The following L3MBTL4 variants were observed in gnomAD, a reference collection of about 807,000 sequenced individuals.
The protein encoded by L3MBTL4 is L3MBTL histone methyl-lysine binding protein 4, also known as lethal(3)malignant brain tumor-like protein 4.
L3MBTL4 carries 70 observed loss-of-function variants against 84.5 expected under a neutral mutation model. That is an observed-to-expected ratio of 0.83 (90% CI 0.68 to 1.01). L3MBTL4 has a LOEUF of 1.01. Among genes scored for constraint, L3MBTL4 ranks in the 50% least tolerant of loss-of-function variants. The pLI is 0.00. For synonymous variants in L3MBTL4, 274 were observed against 259.8 expected, an observed-to-expected ratio of 1.05 and a Z score of -0.52; for missense variants, 715 against 754.8, an observed-to-expected ratio of 0.95 and a Z score of 0.62.
intron 17 of L3MBTL4, among the ~76,000 whole-genome samples, chr18:5,962,464 A>G (rs2095268333): frequency 6.6e-6 from 1 of 151,632 alleles, no homozygotes; most frequent in African/African-American, 2.4e-5. Context: ...GGGAAGAGGG[A>G]GGGCCACGTG....
At chr18:6,155,578 A>C (rs559609663) in intron 13 of L3MBTL4, among the ~76,000 whole-genome samples, 19 of 152,334 alleles carry the variant, frequency 1.2e-4, no homozygotes, top group African/African-American at 4.3e-4. Context: ...TGGTAAACTT[A>C]TGTGCTGAAG....
chr18:6,377,051 C>G (rs2054398969), intron 1 of L3MBTL4, among the ~76,000 whole-genome samples: 1 of 152,116 alleles, frequency 6.6e-6, no homozygotes, highest in Non-Finnish European at 1.5e-5. Context: ...GGAGCACAAA[C>G]AGGAAAAGGG....
At chr18:6,191,443 T>G (rs552639691) in intron 12 of L3MBTL4, among the ~76,000 whole-genome samples, 1 of 152,236 alleles carries the variant, frequency 6.6e-6, no homozygotes, top group South Asian at 2.1e-4. Flanking sequence ...GAATGGCCAT[T>G]GCTTGAGATG....
intron 1 of L3MBTL4, among the ~76,000 whole-genome samples, chr18:6,357,333 A>G (rs948096239): frequency 2.0e-5 from 3 of 152,200 alleles, no homozygotes; most frequent in African/African-American, 7.2e-5. Context: ...TATTGGGTGG[A>G]ACTTCAGAAG....
chr18:6,010,774 C>A (rs1287723633), intron 16 of L3MBTL4, among the ~76,000 whole-genome samples: 2 of 152,082 alleles, frequency 1.3e-5, no homozygotes, highest in African/African-American at 2.4e-5. Flanking sequence ...AATAGAAAGT[C>A]TTTCCTCACA....
chr18:6,382,173 A>C (rs1357154951), intron 1 of L3MBTL4, among the ~76,000 whole-genome samples: 1 of 152,102 alleles, frequency 6.6e-6, no homozygotes, highest in African/African-American at 2.4e-5. Context: ...TGTGCTTTTC[A>C]GCTCCATCAG....
chr18:6,185,627 T>A (rs1178324517), intron 12 of L3MBTL4, among the ~76,000 whole-genome samples: 4 of 152,072 alleles, frequency 2.6e-5, no homozygotes, highest in Non-Finnish European at 5.9e-5. Flanking sequence ...TCTACTAAAG[T>A]CTGTATGATG....
intron 16 of L3MBTL4, among the ~76,000 whole-genome samples, chr18:5,997,921 G>C (rs891145282): frequency 6.6e-6 from 1 of 152,110 alleles, no homozygotes; most frequent in Non-Finnish European, 1.5e-5. Context: ...TGGTATCCAT[G>C]GGGGTCCTGG....
chr18:6,129,328 T>C (rs1375588833), intron 14 of L3MBTL4, among the ~76,000 whole-genome samples: 1 of 151,836 alleles, frequency 6.6e-6, no homozygotes, highest in Non-Finnish European at 1.5e-5. Flanking sequence ...CTTCAAAATA[T>C]CAATGCATGG....
intron 14 of L3MBTL4, among the ~76,000 whole-genome samples, chr18:6,110,512 G>A (rs971300722): frequency 6.0e-5 from 9 of 150,258 alleles, no homozygotes; most frequent in African/African-American, 9.8e-5. Flanking sequence ...ACACGTGTGC[G>A]GGGTGTGTGG....
chr18:6,284,999 G>T (rs945484759), intron 4 of L3MBTL4, among the ~76,000 whole-genome samples: 1 of 152,236 alleles, frequency 6.6e-6, no homozygotes, highest in Admixed American at 6.5e-5. Context: ...TAAACAAGGC[G>T]TTGAGGGCAC....
intron 1 of L3MBTL4, among the ~76,000 whole-genome samples, chr18:6,361,826 G>A (rs1450521015): frequency 6.6e-6 from 1 of 152,076 alleles, no homozygotes; most frequent in African/African-American, 2.4e-5. Flanking sequence ...AGGGACCTAA[G>A]TAGTAGAAAC....
rs374504875 is a variant in L3MBTL4 at position 6,307,845 on chromosome 18, T to C, written c.72+3709A>G. Among the ~76,000 whole-genome samples, 46 of 152,352 alleles carry C rather than the reference T, an allele frequency of 3.0e-4. No individual in the cohort carries two copies. In the South Asian group the frequency reaches 3.5e-3, roughly 12 times the overall value. ...CATTTTTTCAGTATCAAATATTTTA[T>C]ATACACAGAGATCATATATTTCATT... On this transcript the variant is annotated intron_variant, in intron 3 of 18. Coordinates refer to ENST00000317931, the MANE Select transcript of L3MBTL4 (RefSeq NM_001330559.2).
At chr18:6,106,248 A>G (rs1294301822) in intron 14 of L3MBTL4, among the ~76,000 whole-genome samples, 2 of 152,230 alleles carry the variant, frequency 1.3e-5, no homozygotes, top group African/African-American at 4.8e-5. Flanking sequence ...AAGACATTAC[A>G]GAAAATAAAA....
At chr18:6,005,268 C>A (rs931653376) in intron 16 of L3MBTL4, among the ~76,000 whole-genome samples, 1 of 151,718 alleles carries the variant, frequency 6.6e-6, no homozygotes, top group Non-Finnish European at 1.5e-5. Context: ...ATTGCTTGAA[C>A]CCGGGAGGCA....
At chr18:6,061,912 C>T (rs554383084) in intron 16 of L3MBTL4, among the ~76,000 whole-genome samples, 1 of 152,060 alleles carries the variant, frequency 6.6e-6, no homozygotes, top group Admixed American at 6.6e-5. Flanking sequence ...AATTCTCCCT[C>T]TCATCCCTTA....
intron 1 of L3MBTL4, among the ~76,000 whole-genome samples, chr18:6,368,680 G>C (rs1599801325): frequency 6.6e-6 from 1 of 152,118 alleles, no homozygotes; most frequent in East Asian, 1.9e-4. Flanking sequence ...ACACAATTAT[G>C]GCAACAAGAT....
intron 4 of L3MBTL4, among the ~76,000 whole-genome samples, chr18:6,297,798 A>G (rs2050168477): frequency 6.6e-6 from 1 of 152,240 alleles, no homozygotes; most frequent in Non-Finnish European, 1.5e-5. Flanking sequence ...TTTAGCCATC[A>G]TTCAGACCAG....
At chr18:6,200,400 G>C (rs1398315498) in intron 12 of L3MBTL4, among the ~76,000 whole-genome samples, 2 of 152,194 alleles carry the variant, frequency 1.3e-5, no homozygotes, top group Non-Finnish European at 2.9e-5. Context: ...TAAGCCAAGT[G>C]AAGTAGGCCA....
Sources: allele counts gnomAD v4.1 joint callset (sites outside exome capture counted in the v4.1 genomes callset), GRCh38; gene constraint gnomAD v4.1.1; transcripts MANE v1.5; gene names NCBI Gene and HGNC (gene_info 2026-07-23, HGNC 2026-07-21).